The following BCL2 variants were observed in gnomAD, a reference collection of about 807,000 sequenced individuals.
The protein encoded by BCL2 is BCL2 apoptosis regulator.
BCL2 carries 1 observed loss-of-function variant against 14.2 expected under a neutral mutation model. The ratio of observed to expected loss-of-function variants is 0.07; its 90% confidence interval spans 0.02 to 0.33. The LOEUF is 0.33. BCL2 is among the 10% of genes least tolerant of loss of function. The probability of loss-of-function intolerance (pLI) is 0.99; values close to 1 mark genes in which losing one functional copy is unlikely to be tolerated. For synonymous variants in BCL2, 151 were observed against 137.2 expected (o/e 1.10, Z -0.70); for missense variants, 247 against 305.9 (o/e 0.81, Z 1.44).
intron 2 of BCL2, among the ~76,000 whole-genome samples, chr18:63,297,737 T>C (rs978411169): frequency 6.6e-6 from 1 of 152,202 alleles, no homozygotes; most frequent in African/African-American, 2.4e-5. Context: ...AACACAGAAG[T>C]CTTGGCTCGC....
intron 2 of BCL2, among the ~76,000 whole-genome samples, chr18:63,145,956 A>G (rs1914500227): frequency 6.6e-6 from 1 of 152,094 alleles, no homozygotes; most frequent in Non-Finnish European, 1.5e-5. Context: ...CCAGGTCCCC[A>G]AGATCCCCCA....
chr18:63,195,674 T>C (rs950112515), intron 2 of BCL2, among the ~76,000 whole-genome samples: 3 of 152,238 alleles, frequency 2.0e-5, no homozygotes, highest in African/African-American at 7.2e-5. Context: ...CCTTAGGCTG[T>C]AAAATAGTGC....
chr18:63,138,566 G>A (rs4987838), intron 2 of BCL2, among the ~76,000 whole-genome samples: 2,219 of 152,366 alleles, frequency 0.015, 53 homozygotes, highest in African/African-American at 0.05. Flanking sequence ...GCACGGGAGC[G>A]TGAGAAGCAC....
chr18:63,244,799 T>A (rs9957149), intron 2 of BCL2, among the ~76,000 whole-genome samples: 19,001 of 152,222 alleles, frequency 0.12, 1,267 homozygotes, highest in South Asian at 0.21. Context: ...GAGCCCGCTT[T>A]GGGCCTCTGT....
intron 2 of BCL2, among the ~76,000 whole-genome samples, chr18:63,235,184 G>C (rs991056848): frequency 1.3e-5 from 2 of 152,212 alleles, no homozygotes; most frequent in African/African-American, 2.4e-5. Flanking sequence ...GTATTGAAGA[G>C]AATACTGAGC....
At chr18:63,302,566 G>C in intron 2 of BCL2, 1 of 985,108 alleles carries the variant, frequency 1.0e-6, no homozygotes, top group East Asian at 1.1e-4. Context: ...TTTTTAATAT[G>C]TGCTTTATTA....
At chr18:63,174,149 C>T (rs1915294225) in intron 2 of BCL2, among the ~76,000 whole-genome samples, 1 of 152,150 alleles carries the variant, frequency 6.6e-6, no homozygotes, top group African/African-American at 2.4e-5. Context: ...TATATTTACT[C>T]ATTTAATTCT....
chr18:63,244,708 C>T (rs907778551), intron 2 of BCL2, among the ~76,000 whole-genome samples: 5 of 152,168 alleles, frequency 3.3e-5, no homozygotes, highest in African/African-American at 1.2e-4. Context: ...GAAACAGGAC[C>T]AGATGAGTTC....
At chr18:63,254,311 T>C (rs948118514) in intron 2 of BCL2, among the ~76,000 whole-genome samples, 1 of 134,476 alleles carries the variant, frequency 7.4e-6, no homozygotes, top group East Asian at 2.2e-4. Context: ...TTTAGGAGGC[T>C]GAGGCGGGTG....
chr18:63,175,477 C>A (rs1199016125), intron 2 of BCL2, among the ~76,000 whole-genome samples: 7 of 152,242 alleles, frequency 4.6e-5, no homozygotes, highest in Non-Finnish European at 1.0e-4. Flanking sequence ...CTGTAAGCAG[C>A]CAGCACAGCT....
At chr18:63,284,322 G>A (rs947374478) in intron 2 of BCL2, among the ~76,000 whole-genome samples, 1 of 152,144 alleles carries the variant, frequency 6.6e-6, no homozygotes, top group Non-Finnish European at 1.5e-5. Context: ...CCACTAAGAA[G>A]TCTAAGAATA....
chr18:63,269,954 A>G (rs1388113819), intron 2 of BCL2, among the ~76,000 whole-genome samples: 1 of 152,222 alleles, frequency 6.6e-6, no homozygotes, highest in Non-Finnish European at 1.5e-5. Flanking sequence ...ATGCACAAAC[A>G]GGTTTCCACC....
intron 2 of BCL2, among the ~76,000 whole-genome samples, chr18:63,301,396 T>C (rs905287340): frequency 2.0e-5 from 3 of 152,262 alleles, no homozygotes; most frequent in Non-Finnish European, 2.9e-5. Context: ...AAATTTTATG[T>C]ATATCTTAAC....
At chr18:63,211,857 C>T (rs961565153) in intron 2 of BCL2, among the ~76,000 whole-genome samples, 10 of 152,222 alleles carry the variant, frequency 6.6e-5, no homozygotes, top group Non-Finnish European at 2.9e-5. Context: ...TCATGAAAAT[C>T]AGGGAACACG....
intron 2 of BCL2, chr18:63,208,204 GCACT>G (rs746331044): frequency 1.2e-4 from 18 of 152,144 alleles, no homozygotes; most frequent in Non-Finnish European, 2.2e-4. Context: ...AAAACACAAA[GCACT>G]CACTTTCACC....
At position 63,222,837 on chromosome 18, in the gene BCL2, C is replaced by G. The variant is rs183371162; in HGVS notation, c.586-94078G>C. On this transcript the variant is annotated intron_variant, in intron 2 of 2. Transcript: ENST00000333681. ...GGAGATTTTAAATACCTTTTGATCTCTGGCAATCCATGACCCTTTTACAAC... is the reference window on the plus strand; with the variant it reads ...GGAGATTTTAAATACCTTTTGATCTGTGGCAATCCATGACCCTTTTACAAC... Among the ~76,000 whole-genome samples, 5 of 152,344 alleles carry G rather than the reference C, an allele frequency of 3.3e-5. No individual in the cohort carries two copies. In the East Asian group the frequency reaches 9.6e-4, roughly 29 times the overall value.
In BCL2 at chr18:63,275,745, G is replaced by A. The variant is rs551425792; in HGVS notation, c.585+42337C>T. On this transcript the variant is annotated intron_variant, in intron 2 of 2. Coordinates refer to ENST00000333681, the MANE Select transcript of BCL2 (RefSeq NM_000633.3). The stretch of plus-strand genomic sequence containing the variant: ...AGTTACAGGAAAGGCATCTGCCATG[G>A]CCAACCCTTGCAGGCCAAGCAAACC... Among the ~76,000 whole-genome samples the A allele has an allele frequency of 1.1e-4, 17 of 152,344 alleles. No individual in the cohort carries two copies. In the East Asian group the frequency reaches 3.1e-3, roughly 28 times the overall value.
At chr18:63,253,846 A>AG (rs1269142323) in intron 2 of BCL2, among the ~76,000 whole-genome samples, 1 of 150,242 alleles carries the variant, frequency 6.7e-6, no homozygotes, top group African/African-American at 2.4e-5. Flanking sequence ...AAAAAAAAAA[A>AG]AGAAAGAAAG....
At chr18:63,197,376 C>T (rs571781001) in intron 2 of BCL2, among the ~76,000 whole-genome samples, 2 of 152,360 alleles carry the variant, frequency 1.3e-5, no homozygotes, top group African/African-American at 2.4e-5. Flanking sequence ...AAGCTTATAG[C>T]AGCACCGTGT....
Sources: allele counts gnomAD v4.1 joint callset (sites outside exome capture counted in the v4.1 genomes callset), GRCh38; gene constraint gnomAD v4.1.1; transcripts MANE v1.5; gene names NCBI Gene and HGNC (gene_info 2026-07-23, HGNC 2026-07-21).